The following DLGAP3 variants were observed in gnomAD, a reference collection of about 807,000 sequenced individuals.
DLGAP3 encodes the protein DLG associated protein 3.
Under a neutral mutation model 81.2 loss-of-function variants are expected in DLGAP3, and 17 were observed. The ratio of observed to expected loss-of-function variants is 0.21; its 90% CI spans 0.14 to 0.31. The LOEUF (loss-of-function observed/expected upper bound fraction) is 0.31. DLGAP3 is among the 10% of genes least tolerant of loss of function. The pLI is 1.00. For missense variants in DLGAP3, 1,124 were observed against 1,388.0 expected, an observed-to-expected ratio of 0.81 and a Z score of 3.02; for synonymous variants, 577 against 587.4, an observed-to-expected ratio of 0.98 and a Z score of 0.26.
At chr1:34,901,245 G>A (rs916038730) in intron 3 of DLGAP3, among the ~76,000 whole-genome samples, 3 of 152,066 alleles carry the variant, frequency 2.0e-5, no homozygotes, top group African/African-American at 7.2e-5. Flanking sequence ...GAAGAGAGAT[G>A]AGCAGAGATC....
chr1:34,920,242 C>T (rs111715674), intron 1 of DLGAP3, among the ~76,000 whole-genome samples: 27 of 152,334 alleles, frequency 1.8e-4, no homozygotes, highest in African/African-American at 6.3e-4. Context: ...TGGCTCCCAA[C>T]TCCTGTTCCC....
At chr1:34,870,283 TAAG>T (rs979443237) in intron 8 of DLGAP3, among the ~76,000 whole-genome samples, 19 of 152,146 alleles carry the variant, frequency 1.2e-4, no homozygotes, top group Non-Finnish European at 2.2e-4. Flanking sequence ...GGCAATACTT[TAAG>T]AAGTGGGAGT....
chr1:34,899,835 T>G, intron 4 of DLGAP3, 94 bp from the exon 5 acceptor site: 3 of 1,199,042 alleles, frequency 2.5e-6, no homozygotes, highest in Non-Finnish European at 3.7e-6. Context: ...GTAAGTCCTA[T>G]TCCTCAGAAC....
At chr1:34,882,748 C>G (rs1435382684) in intron 8 of DLGAP3, among the ~76,000 whole-genome samples, 1 of 151,866 alleles carries the variant, frequency 6.6e-6, no homozygotes, top group Non-Finnish European at 1.5e-5. Flanking sequence ...CCTTCTTTAA[C>G]CTTTACATGG....
intron 1 of DLGAP3, among the ~76,000 whole-genome samples, chr1:34,928,631 G>A (rs1019527841): frequency 6.6e-6 from 1 of 152,074 alleles, no homozygotes; most frequent in Non-Finnish European, 1.5e-5. Flanking sequence ...ACCAGGAATG[G>A]GGGGACAGTG....
chr1:34,899,589 C>T (rs1168219037), intron 5 of DLGAP3, 80 bp downstream of exon 5: 1 of 1,284,636 alleles, frequency 7.8e-7, no homozygotes, highest in East Asian at 2.3e-5. Context: ...GGCAGACCCT[C>T]TGATTTTAAG....
Position 34,895,338 on chromosome 1 carries a change from T to TA in DLGAP3, c.1386+4330dup, listed in dbSNP as rs943588701. ...AGCCGAGATCATGCCACTGCACTCC[T>TA]ACCTGGGCGACAGAGCGAGACTGTC... On this transcript the variant is annotated intron_variant, in intron 5 of 11. Coordinates refer to ENST00000373347, the MANE Select transcript of DLGAP3 (RefSeq NM_001080418.3). The surrounding 1 kb of genome is among the most constrained non-coding windows in gnomAD (Gnocchi z 4.5). 1.4e-5 allele frequency among the ~76,000 whole-genome samples: 2 copies of TA among 147,374 alleles called. No homozygotes were observed.
rs1433626253 is a variant in DLGAP3 at position 34,865,625 on chromosome 1, G to A, written c.*458C>T. 1.5e-5 allele frequency: 4 copies of A among 264,032 alleles called. No individual in the cohort carries two copies. The highest frequency in any genetic ancestry group is 9.5e-5 in the African/African-American group (4 of 42,076). The allele number at this position is 264,032 out of a possible 1,614,324, so 16.4% of individuals were successfully genotyped here. A position where few individuals can be genotyped will look rare whatever the true frequency, so the allele number is the denominator to read the frequency against. ...CAGTGGGCAGAGGGCTGAGGATGGAGCCCCTGGGAGGGTGGGGCGGGCTCC... is the reference window on the plus strand; with the variant it reads ...CAGTGGGCAGAGGGCTGAGGATGGAACCCCTGGGAGGGTGGGGCGGGCTCC... On this transcript the variant is annotated 3_prime_UTR_variant, in exon 12 of 12. Coordinates refer to ENST00000373347, the MANE Select transcript of DLGAP3 (RefSeq NM_001080418.3).
chr1:34,899,533 G>T, intron 5 of DLGAP3, 136 bp downstream of exon 5: 4 of 818,764 alleles, frequency 4.9e-6, no homozygotes, highest in South Asian at 4.1e-5. Flanking sequence ...GAGTCCTAAG[G>T]CAGGTTTCCC....
At chr1:34,878,021 T>C (rs192006592) in intron 8 of DLGAP3, among the ~76,000 whole-genome samples, 1 of 152,330 alleles carries the variant, frequency 6.6e-6, no homozygotes, top group East Asian at 1.9e-4. Flanking sequence ...GCAACACATA[T>C]AGGCCAGGCA....
At chr1:34,878,754 G>A (rs541774093) in intron 8 of DLGAP3, among the ~76,000 whole-genome samples, 27 of 152,294 alleles carry the variant, frequency 1.8e-4, no homozygotes, top group Non-Finnish European at 2.8e-4. Flanking sequence ...TGGCACCAGG[G>A]ACTAGTTTTG....
intron 1 of DLGAP3, among the ~76,000 whole-genome samples, chr1:34,914,934 G>A: frequency 6.6e-6 from 1 of 152,180 alleles, no homozygotes; most frequent in East Asian, 1.9e-4. Context: ...ACCAAAGACA[G>A]CAGAGCAAAG....
At chr1:34,921,680 C>A (rs554780691) in intron 1 of DLGAP3, among the ~76,000 whole-genome samples, 3 of 152,340 alleles carry the variant, frequency 2.0e-5, no homozygotes, top group Admixed American at 1.3e-4. Context: ...TTGGGTGAGG[C>A]ACTTGCGATG....
At chr1:34,876,979 G>T (rs1264957335) in intron 8 of DLGAP3, among the ~76,000 whole-genome samples, 2 of 152,164 alleles carry the variant, frequency 1.3e-5, no homozygotes, top group Non-Finnish European at 2.9e-5. Context: ...CACCCTAAAC[G>T]CATAGAAATG....
At chr1:34,894,264 C>CAAAAA (rs59073158) in intron 5 of DLGAP3, among the ~76,000 whole-genome samples, 2 of 117,276 alleles carry the variant, frequency 1.7e-5, no homozygotes, top group Non-Finnish European at 3.5e-5. Flanking sequence ...TAAGATAAAG[C>CAAAAA]AAAAAAAAAA....
At position 34,904,909 on chromosome 1, in the gene DLGAP3, C is replaced by T. The variant is rs748668551; in HGVS notation, c.475G>A (p.Ala159Thr). Residue 159 changes from alanine (A) to threonine (T), a missense_variant, in exon 3 of 12, where the codon GCC (alanine) becomes ACC (threonine). This residue lies in a region of DLGAP3 where 65 missense variants were observed against 78.2 expected (regional missense o/e 0.83). Coordinates refer to ENST00000373347, the MANE Select transcript of DLGAP3 (RefSeq NM_001080418.3). The surrounding 1 kb of genome is among the most constrained non-coding windows in gnomAD (Gnocchi z 8.1). ...GPGPAPGTGT[A>T]PEPRSESPSR... ...GGGCTCTCACTGCGGGGCTCTGGGG[C>T]AGTGCCCGTCCCTGGCGCTGGCCCG... 2.5e-6 allele frequency: 4 copies of T among 1,611,540 alleles called. No individual in the cohort carries two copies. The East Asian group carries it at 8.9e-5, about 36-fold the overall frequency.
intron 1 of DLGAP3, among the ~76,000 whole-genome samples, chr1:34,918,233 C>T (rs1264805326): frequency 1.3e-5 from 2 of 152,220 alleles, no homozygotes; most frequent in Admixed American, 6.5e-5. Flanking sequence ...CATCCACTGA[C>T]ACAGGGAGAG....
chr1:34,906,640 T>A (rs915898770), intron 2 of DLGAP3, among the ~76,000 whole-genome samples: 1 of 145,706 alleles, frequency 6.9e-6, no homozygotes, highest in Non-Finnish European at 1.5e-5. Flanking sequence ...AGGGGAATCA[T>A]GAAGGAGGAA....
intron 1 of DLGAP3, among the ~76,000 whole-genome samples, chr1:34,924,095 G>A (rs139093772): frequency 1.8e-4 from 28 of 152,258 alleles, no homozygotes; most frequent in African/African-American, 6.7e-4. Flanking sequence ...GATGACAAGG[G>A]AAGGGACCTT....
Sources: allele counts gnomAD v4.1 joint callset (sites outside exome capture counted in the v4.1 genomes callset), GRCh38; gene constraint gnomAD v4.1.1; regional missense constraint gnomAD v4.1.1; non-coding constraint Gnocchi (gnomAD v3.1); transcripts MANE v1.5; gene names NCBI Gene and HGNC (gene_info 2026-07-23, HGNC 2026-07-21).